The following SLC2A13 variants were observed in gnomAD, a reference collection of about 807,000 sequenced individuals.
The protein encoded by SLC2A13 is solute carrier family 2 member 13.
SLC2A13 carries 32 observed loss-of-function variants against 64.4 expected under a neutral mutation model. The observed-to-expected ratio is 0.50, with a 90% CI of 0.37 to 0.67. The LOEUF is 0.67. Ranked by LOEUF, SLC2A13 falls within the 30% of genes least tolerant of loss-of-function variation. SLC2A13 has a pLI of 0.00. For missense variants in SLC2A13, 743 were observed against 829.2 expected (o/e 0.90, Z 1.28); for synonymous variants, 338 against 327.1 (o/e 1.03, Z -0.36).
chr12:39,771,798 A>G (rs1216639118), intron 7 of SLC2A13, among the ~76,000 whole-genome samples: 1 of 152,100 alleles, frequency 6.6e-6, no homozygotes, highest in African/African-American at 2.4e-5. Flanking sequence ...CCAGCAGTCT[A>G]CAAAATGGCC....
chr12:39,907,518 T>C (rs1411301362), intron 4 of SLC2A13: 2 of 152,162 alleles, frequency 1.3e-5, no homozygotes, highest in African/African-American at 4.8e-5. Flanking sequence ...ATAATGTACC[T>C]GATATATACT....
intron 1 of SLC2A13, among the ~76,000 whole-genome samples, chr12:40,049,116 T>C (rs1213066322): frequency 1.3e-5 from 2 of 152,084 alleles, no homozygotes; most frequent in African/African-American, 4.8e-5. Flanking sequence ...CCTATTTTAG[T>C]ATTTAGTATT....
chr12:40,095,997 C>T (rs894536863), intron 1 of SLC2A13, among the ~76,000 whole-genome samples: 1 of 152,010 alleles, frequency 6.6e-6, no homozygotes, highest in Non-Finnish European at 1.5e-5. Flanking sequence ...TGCAGTGGCA[C>T]GATCTCAGCT....
intron 3 of SLC2A13, among the ~76,000 whole-genome samples, chr12:39,967,169 C>A (rs1418449586): frequency 6.6e-6 from 1 of 152,152 alleles, no homozygotes; most frequent in Non-Finnish European, 1.5e-5. Context: ...AAAATGCAAT[C>A]TTCCCACTGT....
At chr12:40,042,959 GAA>G (rs58322891) in intron 2 of SLC2A13, among the ~76,000 whole-genome samples, 56 of 111,444 alleles carry the variant, frequency 5.0e-4, no homozygotes, top group African/African-American at 9.1e-4. Flanking sequence ...GCATAAGAAT[GAA>G]AAAAAAAAAA....
At chr12:39,801,987 T>G (rs1362593324) in intron 7 of SLC2A13, among the ~76,000 whole-genome samples, 1 of 152,160 alleles carries the variant, frequency 6.6e-6, no homozygotes, top group Non-Finnish European at 1.5e-5. Flanking sequence ...TACCAGGGGA[T>G]AGCCAATGAA....
intron 6 of SLC2A13, among the ~76,000 whole-genome samples, chr12:39,863,911 A>G (rs759578587): frequency 1.3e-5 from 2 of 152,200 alleles, no homozygotes; most frequent in African/African-American, 4.8e-5. Flanking sequence ...GGGTTGTATG[A>G]GTTAATAAAT....
intron 1 of SLC2A13, among the ~76,000 whole-genome samples, chr12:40,073,744 T>C (rs955958206): frequency 6.6e-6 from 1 of 151,850 alleles, no homozygotes. Flanking sequence ...GAGAAAAAGG[T>C]ATTCTTATCT....
Position 39,871,398 on chromosome 12 carries a change from T to C in SLC2A13, c.1198+400A>G, listed in dbSNP as rs1944050471. ...AAGAGCTTTGAAAAAATGCTCCAAA[T>C]TTAATTCCATTGTATGTCAAATTTA... On this transcript the variant is annotated intron_variant, in intron 5 of 9. Transcript: ENST00000280871. Among the ~76,000 whole-genome samples, 3 of 152,058 alleles carry C rather than the reference T, an allele frequency of 2.0e-5. No homozygotes were observed. In the South Asian group the frequency reaches 6.2e-4, roughly 32 times the overall value.
chr12:39,896,726 C>A (rs1944929793), intron 4 of SLC2A13, among the ~76,000 whole-genome samples: 1 of 151,832 alleles, frequency 6.6e-6, no homozygotes, highest in Non-Finnish European at 1.5e-5. Flanking sequence ...TTATAGTATA[C>A]CCTAATAAAA....
At chr12:39,947,091 C>T (rs1946149071) in intron 4 of SLC2A13, among the ~76,000 whole-genome samples, 1 of 152,164 alleles carries the variant, frequency 6.6e-6, no homozygotes, top group Admixed American at 6.5e-5. Context: ...AGCTCTCTAA[C>T]TTGACTCAGC....
At chr12:39,995,136 C>CT (rs1294738141) in intron 3 of SLC2A13, among the ~76,000 whole-genome samples, 1 of 152,062 alleles carries the variant, frequency 6.6e-6, no homozygotes, top group Non-Finnish European at 1.5e-5. Flanking sequence ...GTGCAGGTCT[C>CT]TTTTTTAAAA....
chr12:39,883,979 T>C (rs1180468135), intron 4 of SLC2A13, among the ~76,000 whole-genome samples: 1 of 152,202 alleles, frequency 6.6e-6, no homozygotes, highest in African/African-American at 2.4e-5. Flanking sequence ...GAGATTTTGA[T>C]GCCTTTTCTT....
rs577022527 is a variant in SLC2A13 at position 39,978,729 on chromosome 12, G to A, written c.926-27364C>T. ...GCAGTCTGAGATCAAACTGCAAGGC[G>A]GCAGCAAGGCTGGGGGAGAGGCGCC... On this transcript the variant is annotated intron_variant, in intron 3 of 9. Transcript: ENST00000280871. Among the ~76,000 whole-genome samples, 482 of 152,290 alleles carry A rather than the reference G, an allele frequency of 3.2e-3. 1 individual carries two copies. The highest frequency in any genetic ancestry group is 8.0e-3 in the African/African-American group (333 of 41,562).
In SLC2A13 at chr12:40,106,045, C is replaced by G. The variant is rs1028626649; in HGVS notation, c.-237G>C. 7.9e-6 allele frequency: 3 copies of G among 379,540 alleles called. No homozygotes were observed. Among genetic ancestry groups the G allele is most frequent in the East Asian group, 4.3e-5 (1 of 23,458 alleles). 23.5% of individuals were successfully genotyped at this position (379,540 alleles called of 1,614,324 possible). On this transcript the variant is annotated 5_prime_UTR_variant, in exon 1 of 10. Transcript: ENST00000280871. ...CCCGGCGGGTCTCACTCCACACTCA[C>G]GCCCCGCGCCTGCCGAGCTGGCGCT...
At chr12:39,964,823 T>G (rs1396428572) in intron 3 of SLC2A13, among the ~76,000 whole-genome samples, 1 of 152,128 alleles carries the variant, frequency 6.6e-6, no homozygotes, top group Non-Finnish European at 1.5e-5. Flanking sequence ...TCTATCTTGG[T>G]CAATTAAACT....
intron 3 of SLC2A13, among the ~76,000 whole-genome samples, chr12:39,960,881 G>C (rs1016478036): frequency 6.6e-6 from 1 of 150,454 alleles, no homozygotes; most frequent in Admixed American, 6.7e-5. Context: ...TCGAGTGGCT[G>C]AGATTACAGG....
intron 7 of SLC2A13, among the ~76,000 whole-genome samples, chr12:39,775,341 C>A (rs928985012): frequency 3.3e-5 from 5 of 152,174 alleles, no homozygotes; most frequent in African/African-American, 9.7e-5. Context: ...AACTGGCCAA[C>A]AAGCAAGGCA....
At chr12:40,036,264 C>T (rs1017415825) in intron 2 of SLC2A13, among the ~76,000 whole-genome samples, 1 of 152,052 alleles carries the variant, frequency 6.6e-6, no homozygotes, top group Admixed American at 6.6e-5. Flanking sequence ...ATTCATTGGT[C>T]AATGCAGAAC....
Sources: gnomAD v4.1 joint callset for allele counts (sites outside exome capture counted in the v4.1 genomes callset) on GRCh38, gnomAD v4.1.1 for gene constraint, MANE v1.5 for transcripts, NCBI Gene and HGNC (gene_info 2026-07-23, HGNC 2026-07-21) for gene names.